ROBO2: variants seen among roughly 807,000 people sequenced by gnomAD.
ROBO2 encodes the protein roundabout guidance receptor 2, also known as roundabout homolog 2.
ROBO2 carries 53 observed loss-of-function variants against 160.8 expected under a neutral mutation model. That is an observed-to-expected ratio of 0.33 (90% CI 0.26 to 0.41). The LOEUF is 0.41. ROBO2 is among the 10% of genes least tolerant of loss of function. The pLI, the probability that ROBO2 is intolerant of heterozygous loss-of-function variation, is 1.00. For missense variants in ROBO2, 1,577 were observed against 1,722.4 expected, an observed-to-expected ratio of 0.92 and a Z score of 1.49; for synonymous variants, 664 against 611.7, an observed-to-expected ratio of 1.09 and a Z score of -1.26.
chr3:76,947,783 C>G (rs1428822910), intron 2 of ROBO2, among the ~76,000 whole-genome samples: 1 of 152,110 alleles, frequency 6.6e-6, no homozygotes, highest in East Asian at 1.9e-4. Context: ...GTTCTGTCGC[C>G]ATTCTCATCT....
At chr3:77,510,839 G>T (rs1052687458) in intron 5 of ROBO2, among the ~76,000 whole-genome samples, 1 of 151,960 alleles carries the variant, frequency 6.6e-6, no homozygotes, top group Non-Finnish European at 1.5e-5. Context: ...TGTCAGACAC[G>T]GAGTAATTGC....
chr3:76,313,209 C>T (rs1011331102), intron 2 of ROBO2, among the ~76,000 whole-genome samples: 4 of 152,108 alleles, frequency 2.6e-5, no homozygotes, highest in Non-Finnish European at 4.4e-5. Flanking sequence ...TTTTTAGTGC[C>T]TCTGTTTGTT....
intron 2 of ROBO2, among the ~76,000 whole-genome samples, chr3:76,446,228 C>T (rs1359401982): frequency 1.3e-5 from 2 of 152,152 alleles, no homozygotes; most frequent in African/African-American, 2.4e-5. Flanking sequence ...AAATCACAAG[C>T]ATTCTTTTAC....
At chr3:76,403,579 A>G (rs573450507) in intron 2 of ROBO2, among the ~76,000 whole-genome samples, 9 of 151,400 alleles carry the variant, frequency 5.9e-5, no homozygotes, top group Non-Finnish European at 1.2e-4. Flanking sequence ...CTTAACCACA[A>G]TGTTTACTCC....
At chr3:76,244,417 G>A (rs1705490636) in intron 2 of ROBO2, among the ~76,000 whole-genome samples, 1 of 152,198 alleles carries the variant, frequency 6.6e-6, no homozygotes, top group Non-Finnish European at 1.5e-5. Flanking sequence ...GTGGACAGGA[G>A]GTTTGAACTG....
At chr3:77,440,927 C>A (rs1463426769) in intron 2 of ROBO2, among the ~76,000 whole-genome samples, 1 of 152,058 alleles carries the variant, frequency 6.6e-6, no homozygotes, top group African/African-American at 2.4e-5. Context: ...GAAAACTCCC[C>A]ATTCTCTGCG....
intron 2 of ROBO2, among the ~76,000 whole-genome samples, chr3:75,972,415 A>G (rs1222540396): frequency 6.6e-6 from 1 of 151,698 alleles, no homozygotes; most frequent in Non-Finnish European, 1.5e-5. Context: ...GGGCAGGGAC[A>G]CTGGACATCA....
chr3:76,043,640 AAAAAAACCACACC>A (rs2067353159), intron 2 of ROBO2, among the ~76,000 whole-genome samples: 1 of 150,356 alleles, frequency 6.7e-6, no homozygotes, highest in Admixed American at 6.6e-5. Flanking sequence ...AAAAAAAAAA[AAAAAAACCACACC>A]AAAAAACCAA....
At chr3:76,397,829 G>A (rs1368879687) in intron 2 of ROBO2, among the ~76,000 whole-genome samples, 681 of 151,560 alleles carry the variant, frequency 4.5e-3, no homozygotes, top group Admixed American at 9.1e-3. Flanking sequence ...GAAACAACAG[G>A]TGCTGGAGAG....
intron 2 of ROBO2, among the ~76,000 whole-genome samples, chr3:76,075,223 T>A (rs2068606238): frequency 6.6e-6 from 1 of 151,894 alleles, no homozygotes; most frequent in African/African-American, 2.4e-5. Context: ...ATCCAGTATC[T>A]ACTATCCACT....
chr3:77,402,432 A>G (rs1409404584), intron 2 of ROBO2, among the ~76,000 whole-genome samples: 3 of 152,218 alleles, frequency 2.0e-5, no homozygotes, highest in South Asian at 2.1e-4. Context: ...TTAAAGTATA[A>G]TAAAAAAAAT....
chr3:76,222,583 A>G (rs926001294), intron 2 of ROBO2, among the ~76,000 whole-genome samples: 2 of 151,264 alleles, frequency 1.3e-5, no homozygotes, highest in African/African-American at 4.9e-5. Context: ...ACCAATTATT[A>G]CTTTAGAAAG....
intron 2 of ROBO2, among the ~76,000 whole-genome samples, chr3:76,796,889 G>A (rs993316375): frequency 1.3e-5 from 2 of 152,100 alleles, no homozygotes; most frequent in African/African-American, 4.8e-5. Flanking sequence ...AATTCAGGAA[G>A]AGGATATAAC....
intron 1 of ROBO2, among the ~76,000 whole-genome samples, chr3:75,913,712 G>A (rs4054064): frequency 1.3e-5 from 2 of 152,176 alleles, no homozygotes; most frequent in African/African-American, 4.8e-5. Flanking sequence ...AACATAGAAC[G>A]TTATCTTCCA....
At chr3:77,324,747 A>G (rs2065199293) in intron 2 of ROBO2, among the ~76,000 whole-genome samples, 1 of 146,972 alleles carries the variant, frequency 6.8e-6, no homozygotes, top group African/African-American at 2.5e-5. Context: ...GCGCCACTGC[A>G]CTCCAGCCTA....
intron 2 of ROBO2, among the ~76,000 whole-genome samples, chr3:76,630,110 A>G (rs2109428335): frequency 6.6e-6 from 1 of 152,288 alleles, no homozygotes; most frequent in East Asian, 1.9e-4. Context: ...ATTTTGTTAT[A>G]ATGTTGATGA....
At chr3:76,723,402 A>C (rs1483189489) in intron 2 of ROBO2, among the ~76,000 whole-genome samples, 1 of 152,190 alleles carries the variant, frequency 6.6e-6, no homozygotes, top group African/African-American at 2.4e-5. Flanking sequence ...ATCCATAAAC[A>C]TAAGTGACAA....
intron 2 of ROBO2, among the ~76,000 whole-genome samples, chr3:76,471,666 A>C (rs1407273392): frequency 9.9e-5 from 15 of 152,232 alleles, no homozygotes; most frequent in Non-Finnish European, 2.2e-4. Flanking sequence ...TGAATGTCTA[A>C]AAGTATAACA....
chr3:76,674,598 T>TCACACACACACACACACACACA (rs71104613), intron 2 of ROBO2, among the ~76,000 whole-genome samples: 5 of 148,068 alleles, frequency 3.4e-5, no homozygotes, highest in African/African-American at 7.5e-5. Flanking sequence ...ACCTCCTAGT[T>TCACACACACACACACACACACA]CACACACACA....
Sources: allele counts gnomAD v4.1 joint callset (sites outside exome capture counted in the v4.1 genomes callset), GRCh38; gene constraint gnomAD v4.1.1; transcripts MANE v1.5; gene names NCBI Gene and HGNC (gene_info 2026-07-23, HGNC 2026-07-21).